The following SCAMP1 variants were observed in gnomAD, a reference collection of about 807,000 sequenced individuals.
SCAMP1 encodes secretory carrier membrane protein 1, also known as secretory carrier-associated membrane protein 1.
A neutral mutation model predicts 41.8 loss-of-function variants in SCAMP1; 15 were observed. The ratio of observed to expected loss-of-function variants is 0.36; its 90% CI spans 0.24 to 0.55. The LOEUF is 0.55. SCAMP1 is among the 20% of genes least tolerant of loss of function. The pLI is 0.86. For synonymous variants in SCAMP1, 135 were observed against 136.8 expected, an observed-to-expected ratio of 0.99 and a Z score of 0.09; for missense variants, 341 against 412.6, an observed-to-expected ratio of 0.83 and a Z score of 1.50.
chr5:78,468,551 CT>C (rs1314414760), intron 8 of SCAMP1, among the ~76,000 whole-genome samples: 1 of 151,948 alleles, frequency 6.6e-6, no homozygotes, highest in Non-Finnish European at 1.5e-5. Context: ...ATTTGTATTC[CT>C]TTTGGGACCT....
At chr5:78,409,986 G>T (rs1752030303) in intron 2 of SCAMP1, among the ~76,000 whole-genome samples, 6 of 151,992 alleles carry the variant, frequency 3.9e-5, no homozygotes, top group Admixed American at 3.9e-4. Context: ...AGGGCTTTGG[G>T]GCGATGCTTT....
intron 6 of SCAMP1, among the ~76,000 whole-genome samples, chr5:78,445,861 C>G (rs939036422): frequency 1.3e-5 from 2 of 152,166 alleles, no homozygotes; most frequent in African/African-American, 2.4e-5. Context: ...GATTTGTGCT[C>G]TCTTGGAGAT....
intron 6 of SCAMP1, among the ~76,000 whole-genome samples, chr5:78,427,039 A>G (rs1209262936): frequency 1.3e-5 from 2 of 152,130 alleles, no homozygotes; most frequent in Non-Finnish European, 2.9e-5. Flanking sequence ...GTCTTAGTTC[A>G]TATTTGTTGC....
At chr5:78,458,982 T>C (rs116077163) in intron 7 of SCAMP1, among the ~76,000 whole-genome samples, 220 of 152,366 alleles carry the variant, frequency 1.4e-3, no homozygotes, top group African/African-American at 5.0e-3. Context: ...TGGAGTTTGG[T>C]TTGCTTTTGA....
chr5:78,459,417 T>G, intron 8 of SCAMP1, 55 bp downstream of exon 8: 1 of 871,196 alleles, frequency 1.1e-6, no homozygotes, highest in Non-Finnish European at 1.8e-6. Context: ...AAAGTTCTCA[T>G]TTTCCTATTT....
intron 6 of SCAMP1, among the ~76,000 whole-genome samples, chr5:78,441,195 C>A (rs921862248): frequency 2.0e-5 from 3 of 152,226 alleles, no homozygotes; most frequent in African/African-American, 7.2e-5. Flanking sequence ...GGCTCACCCT[C>A]CGTGGGTGGC....
At chr5:78,388,714 T>C (rs1014594857) in intron 1 of SCAMP1, 123 bp from the exon 2 acceptor site, 2 of 487,534 alleles carry the variant, frequency 4.1e-6, no homozygotes, top group East Asian at 6.7e-5. Context: ...AGCCTTCTTT[T>C]ATTTTCCTCT....
At chr5:78,444,050 G>C (rs1752996023) in intron 6 of SCAMP1, among the ~76,000 whole-genome samples, 2 of 151,852 alleles carry the variant, frequency 1.3e-5, no homozygotes, top group South Asian at 2.1e-4. Context: ...TTGCACTGTT[G>C]TGGTAAGGGG....
intron 6 of SCAMP1, among the ~76,000 whole-genome samples, chr5:78,438,132 C>CT (rs1269854446): frequency 6.6e-6 from 1 of 152,074 alleles, no homozygotes; most frequent in Non-Finnish European, 1.5e-5. Context: ...TGCTAGCAGT[C>CT]TGTCAATTTT....
chr5:78,399,654 T>C (rs1365782913), intron 2 of SCAMP1, among the ~76,000 whole-genome samples: 2 of 152,330 alleles, frequency 1.3e-5, no homozygotes, highest in Admixed American at 6.5e-5. Flanking sequence ...CATTTCTTAA[T>C]TGGTTTGTTA....
intron 1 of SCAMP1, 108 bp downstream of exon 1, chr5:78,360,836 C>A: frequency 1.8e-6 from 2 of 1,127,068 alleles, no homozygotes; most frequent in Non-Finnish European, 2.5e-6. Context: ...CCCTTAGCAG[C>A]CCAGAGAGGG....
intron 2 of SCAMP1, among the ~76,000 whole-genome samples, chr5:78,394,655 C>G (rs561387878): frequency 2.6e-5 from 4 of 152,096 alleles, no homozygotes; most frequent in Non-Finnish European, 5.9e-5. Context: ...AGTTTAACAC[C>G]TGTCTTTATT....
At chr5:78,364,712 A>G (rs1306226672) in intron 1 of SCAMP1, among the ~76,000 whole-genome samples, 1 of 152,126 alleles carries the variant, frequency 6.6e-6, no homozygotes, top group Admixed American at 6.5e-5. Context: ...AGAATTTGAA[A>G]AGATCTGGGC....
In SCAMP1 at chr5:78,360,650, G is replaced by A. The variant is rs2112024839; in HGVS notation, c.-22G>A. On this transcript the variant is annotated 5_prime_UTR_variant, in exon 1 of 9. Coordinates refer to ENST00000621999, the MANE Select transcript of SCAMP1 (RefSeq NM_004866.6). Reference sequence around the variant, plus strand: ...TCTCTCTCTGCGCCTGGGTCGGGTGGGTGACGCCGAGAGCCAGAGAGATGT... The same window carrying A: ...TCTCTCTCTGCGCCTGGGTCGGGTGAGTGACGCCGAGAGCCAGAGAGATGT... 1.2e-6 allele frequency: 2 copies of A among 1,602,140 alleles called. No homozygotes were observed. The highest frequency in any genetic ancestry group is 4.5e-5 in the East Asian group (2 of 44,056).
In SCAMP1 at chr5:78,422,016, G is replaced by T. The variant is rs1008207297; in HGVS notation, c.632+56G>T. The T allele has an allele frequency of 3.5e-6, 5 of 1,416,226 alleles. No individual in the cohort carries two copies. The African/African-American group carries it at 7.2e-5, about 20-fold the overall frequency. 87.7% of individuals were successfully genotyped at this position (1,416,226 alleles called of 1,614,324 possible). ...TTAAAACCTGTGAAGTAAATAATTC[G>T]TAGTATACATTAAAGGGAAAATTGA... On this transcript the variant is annotated intron_variant, in intron 6 of 8. Coordinates refer to ENST00000621999, the MANE Select transcript of SCAMP1 (RefSeq NM_004866.6).
intron 6 of SCAMP1, among the ~76,000 whole-genome samples, chr5:78,428,951 G>C (rs912575282): frequency 6.6e-6 from 1 of 151,890 alleles, no homozygotes; most frequent in African/African-American, 2.4e-5. Flanking sequence ...TTCATATATT[G>C]ATCTTGTATC....
chr5:78,430,218 G>A (rs200650414), intron 6 of SCAMP1, among the ~76,000 whole-genome samples: 1,025 of 61,138 alleles, frequency 0.017, 43 homozygotes, highest in East Asian at 0.069. Flanking sequence ...TATAAATACA[G>A]TATTTATTTA....
chr5:78,451,870 G>T (rs913476718), intron 7 of SCAMP1, among the ~76,000 whole-genome samples: 9 of 152,212 alleles, frequency 5.9e-5, no homozygotes, highest in Admixed American at 1.3e-4. Flanking sequence ...GCCCAGGCAG[G>T]TCTTGAAGTC....
intron 1 of SCAMP1, among the ~76,000 whole-genome samples, chr5:78,378,661 A>T (rs116391146): frequency 6.6e-6 from 1 of 152,256 alleles, no homozygotes; most frequent in African/African-American, 2.4e-5. Flanking sequence ...AAGTGGCATT[A>T]CTAGAGTATT....
Sources: gnomAD v4.1 joint callset for allele counts (sites outside exome capture counted in the v4.1 genomes callset) on GRCh38, gnomAD v4.1.1 for gene constraint, MANE v1.5 for transcripts, NCBI Gene and HGNC (gene_info 2026-07-23, HGNC 2026-07-21) for gene names.